The following MACROD2 variants were observed in gnomAD, a reference collection of about 807,000 sequenced individuals.
The protein encoded by MACROD2 is mono-ADP ribosylhydrolase 2.
Under a neutral mutation model 70.4 loss-of-function variants are expected in MACROD2, and 36 were observed. That is an observed-to-expected ratio of 0.51 (90% CI 0.39 to 0.68). MACROD2 has a LOEUF of 0.68. Among genes scored for constraint, MACROD2 ranks in the 30% least tolerant of loss-of-function variants. The pLI is 0.00. For synonymous variants in MACROD2, 172 were observed against 178.8 expected, an observed-to-expected ratio of 0.96 and a Z score of 0.30; for missense variants, 496 against 538.4, an observed-to-expected ratio of 0.92 and a Z score of 0.78.
intron 8 of MACROD2, among the ~76,000 whole-genome samples, chr20:15,775,867 G>A (rs751143010): frequency 6.6e-6 from 1 of 152,010 alleles, no homozygotes; most frequent in Admixed American, 6.5e-5. Context: ...TGAATACTAG[G>A]GCAATTTGGT....
intron 8 of MACROD2, among the ~76,000 whole-genome samples, chr20:15,642,686 A>C (rs543490356): frequency 1.3e-5 from 2 of 152,028 alleles, no homozygotes; most frequent in African/African-American, 4.8e-5. Context: ...ATAAATAAAA[A>C]TAATCTTTTC....
chr20:14,778,272 G>A (rs1206580849), intron 5 of MACROD2, among the ~76,000 whole-genome samples: 1 of 152,056 alleles, frequency 6.6e-6, no homozygotes, highest in African/African-American at 2.4e-5. Flanking sequence ...CGACACAAAC[G>A]CTCTTTACAT....
At chr20:15,733,890 T>G (rs1013977498) in intron 8 of MACROD2, among the ~76,000 whole-genome samples, 2 of 152,214 alleles carry the variant, frequency 1.3e-5, no homozygotes, top group African/African-American at 4.8e-5. Flanking sequence ...CCCTCACATA[T>G]GCCAGCCATT....
chr20:15,256,185 GTTTTA>G (rs1000338474), intron 6 of MACROD2, among the ~76,000 whole-genome samples: 1 of 151,954 alleles, frequency 6.6e-6, no homozygotes, highest in Non-Finnish European at 1.5e-5. Flanking sequence ...TAATTCTTGT[GTTTTA>G]TTTATTCAGT....
chr20:14,166,603 G>C (rs1390848092), intron 3 of MACROD2, among the ~76,000 whole-genome samples: 1 of 152,064 alleles, frequency 6.6e-6, no homozygotes, highest in African/African-American at 2.4e-5. Flanking sequence ...AGGTCTCCCA[G>C]ACAGTCCAGG....
chr20:15,911,250 G>A (rs1274949234), intron 10 of MACROD2, among the ~76,000 whole-genome samples: 1 of 152,172 alleles, frequency 6.6e-6, no homozygotes, highest in African/African-American at 2.4e-5. Context: ...CCAAGTAGGA[G>A]CTGAGTGGTT....
At chr20:15,954,488 G>A (rs73597727) in intron 12 of MACROD2, among the ~76,000 whole-genome samples, 3,481 of 152,142 alleles carry the variant, frequency 0.023, 74 homozygotes, top group African/African-American at 0.067. Flanking sequence ...TTGTTTGCAT[G>A]CTTTCCTCCT....
chr20:15,019,105 C>T (rs1379243859), intron 5 of MACROD2, among the ~76,000 whole-genome samples: 1 of 152,150 alleles, frequency 6.6e-6, no homozygotes, highest in Non-Finnish European at 1.5e-5. Context: ...TCCTATAAGC[C>T]ATGAGGTGTA....
At chr20:15,137,822 T>C (rs1052788694) in intron 5 of MACROD2, among the ~76,000 whole-genome samples, 3 of 152,118 alleles carry the variant, frequency 2.0e-5, no homozygotes, top group Non-Finnish European at 4.4e-5. Flanking sequence ...TTTCTCCCCC[T>C]TTCCAGAAGG....
chr20:15,869,904 C>T (rs1337154095), intron 9 of MACROD2, among the ~76,000 whole-genome samples: 1 of 151,990 alleles, frequency 6.6e-6, no homozygotes, highest in Non-Finnish European at 1.5e-5. Context: ...AGTACGTGAA[C>T]ATATTTAGGT....
At chr20:15,512,559 T>G (rs1472704948) in intron 8 of MACROD2, among the ~76,000 whole-genome samples, 2 of 152,232 alleles carry the variant, frequency 1.3e-5, no homozygotes, top group African/African-American at 4.8e-5. Flanking sequence ...TGAAACAACT[T>G]TTGAGAGTCA....
intron 8 of MACROD2, among the ~76,000 whole-genome samples, chr20:15,633,235 A>C (rs1248861043): frequency 6.6e-6 from 1 of 152,178 alleles, no homozygotes; most frequent in East Asian, 1.9e-4. Context: ...TTTTTATTTC[A>C]AAATTATATT....
intron 5 of MACROD2, among the ~76,000 whole-genome samples, chr20:15,143,945 T>TAAAAA (rs3070269): frequency 2.3e-5 from 3 of 131,950 alleles, no homozygotes; most frequent in Admixed American, 7.8e-5. Flanking sequence ...GCTGATGAGC[T>TAAAAA]AAAAAAAAAA....
chr20:14,191,116 A>G (rs558606641), intron 3 of MACROD2, among the ~76,000 whole-genome samples: 1 of 151,970 alleles, frequency 6.6e-6, no homozygotes, highest in Non-Finnish European at 1.5e-5. Context: ...TCTACTTTAC[A>G]TCTTGTGTAC....
chr20:15,801,965 T>G (rs958947468), intron 8 of MACROD2, among the ~76,000 whole-genome samples: 1 of 152,166 alleles, frequency 6.6e-6, no homozygotes, highest in Non-Finnish European at 1.5e-5. Context: ...TATTGGCTAT[T>G]ATAAATTGAA....
intron 5 of MACROD2, among the ~76,000 whole-genome samples, chr20:14,925,511 T>G (rs1191504175): frequency 6.6e-6 from 1 of 152,210 alleles, no homozygotes; most frequent in African/African-American, 2.4e-5. Flanking sequence ...CTCTGTTCAT[T>G]GATTCTGCAT....
At chr20:14,033,837 T>C (rs539845552) in intron 2 of MACROD2, among the ~76,000 whole-genome samples, 1 of 152,310 alleles carries the variant, frequency 6.6e-6, no homozygotes, top group Admixed American at 6.5e-5. Context: ...TACCTTTCCT[T>C]TTATCACACA....
intron 8 of MACROD2, among the ~76,000 whole-genome samples, chr20:15,741,550 G>A (rs1024511783): frequency 6.6e-6 from 1 of 152,002 alleles, no homozygotes; most frequent in African/African-American, 2.4e-5. Context: ...CCTCTGATAT[G>A]CACGTGGCTA....
chr20:15,413,220 CTT>C (rs11482719), intron 6 of MACROD2, among the ~76,000 whole-genome samples: 1 of 149,854 alleles, frequency 6.7e-6, no homozygotes, highest in Non-Finnish European at 1.5e-5. Context: ...AAATATAAAA[CTT>C]TTTTTTTTGA....
Sources: gnomAD v4.1 joint callset for allele counts (sites outside exome capture counted in the v4.1 genomes callset) on GRCh38, gnomAD v4.1.1 for gene constraint, MANE v1.5 for transcripts, NCBI Gene and HGNC (gene_info 2026-07-23, HGNC 2026-07-21) for gene names.